Variants in AKAP7 observed in about 807,000 individuals in gnomAD.
AKAP7 encodes the protein A kinase (PRKA) anchor protein 7.
AKAP7 carries 39 observed loss-of-function variants against 39.5 expected under a neutral mutation model. That is an observed-to-expected ratio of 0.99 (90% CI 0.76 to 1.29). The LOEUF is 1.29. Among genes scored for constraint, AKAP7 ranks in the 50% most tolerant of loss-of-function variants. The pLI is 0.00. For synonymous variants in AKAP7, 140 were observed against 139.1 expected (o/e 1.01, Z -0.05); for missense variants, 414 against 407.7 (o/e 1.02, Z -0.13).
intron 5 of AKAP7, among the ~76,000 whole-genome samples, chr6:131,176,826 G>T (rs897036997): frequency 6.6e-6 from 1 of 152,110 alleles, no homozygotes; most frequent in Non-Finnish European, 1.5e-5. Context: ...CCACAGGCTG[G>T]TGGGTGTCCC....
intron 7 of AKAP7, among the ~76,000 whole-genome samples, chr6:131,259,123 T>A (rs1450428300): frequency 6.6e-6 from 1 of 152,246 alleles, no homozygotes; most frequent in Non-Finnish European, 1.5e-5. Context: ...ACATCAGGCT[T>A]CAGTTTGATG....
chr6:131,219,202 A>C (rs1213188633), intron 6 of AKAP7, among the ~76,000 whole-genome samples: 3 of 151,640 alleles, frequency 2.0e-5, no homozygotes, highest in African/African-American at 4.8e-5. Context: ...AGGGAGGAGA[A>C]TCACTTGAAC....
At chr6:131,237,499 A>G (rs1436354414) in intron 7 of AKAP7, among the ~76,000 whole-genome samples, 1 of 152,052 alleles carries the variant, frequency 6.6e-6, no homozygotes, top group Admixed American at 6.6e-5. Flanking sequence ...TCCTCCTTGT[A>G]CCTCTGGTAG....
At chr6:131,271,669 C>CA (rs1162627795) in intron 7 of AKAP7, among the ~76,000 whole-genome samples, 1 of 151,584 alleles carries the variant, frequency 6.6e-6, no homozygotes, top group Non-Finnish European at 1.5e-5. Context: ...TCATTATTTA[C>CA]AAAATACATG....
At chr6:131,186,722 G>A (rs1805897682) in intron 5 of AKAP7, among the ~76,000 whole-genome samples, 1 of 152,126 alleles carries the variant, frequency 6.6e-6, no homozygotes, top group African/African-American at 2.4e-5. Context: ...CTCACATGGT[G>A]GAGGGGCAAA....
intron 1 of AKAP7, among the ~76,000 whole-genome samples, chr6:131,142,369 C>T (rs1801117921): frequency 6.6e-6 from 1 of 152,224 alleles, no homozygotes; most frequent in Non-Finnish European, 1.5e-5. Flanking sequence ...CACTGCTCCC[C>T]ACATCTCAGT....
intron 3 of AKAP7, among the ~76,000 whole-genome samples, chr6:131,162,749 C>A (rs1044587592): frequency 6.6e-6 from 1 of 152,172 alleles, no homozygotes; most frequent in Non-Finnish European, 1.5e-5. Context: ...CTGGAGCTTT[C>A]TCTTTGCTCC....
intron 5 of AKAP7, among the ~76,000 whole-genome samples, chr6:131,187,971 T>G (rs948333102): frequency 1.3e-5 from 2 of 152,236 alleles, no homozygotes; most frequent in Non-Finnish European, 2.9e-5. Context: ...TGTTAAGTGA[T>G]GTGTCTAGGA....
intron 7 of AKAP7, among the ~76,000 whole-genome samples, chr6:131,240,677 A>G (rs1391485326): frequency 1.3e-5 from 2 of 152,172 alleles, no homozygotes; most frequent in South Asian, 4.1e-4. Flanking sequence ...GCAATGAGCA[A>G]GGCTCCATGG....
intron 6 of AKAP7, among the ~76,000 whole-genome samples, chr6:131,217,733 C>T (rs1201701269): frequency 1.3e-5 from 2 of 152,184 alleles, no homozygotes; most frequent in South Asian, 4.1e-4. Context: ...GAGTCAATCT[C>T]ATGTTTTATT....
At chr6:131,165,832 C>T (rs934693049) in intron 4 of AKAP7, among the ~76,000 whole-genome samples, 1 of 152,112 alleles carries the variant, frequency 6.6e-6, no homozygotes, top group Non-Finnish European at 1.5e-5. Context: ...TTGTTCTTCC[C>T]CCAATTTTCT....
At chr6:131,252,348 C>T (rs1237030417) in intron 7 of AKAP7, among the ~76,000 whole-genome samples, 1 of 152,164 alleles carries the variant, frequency 6.6e-6, no homozygotes, top group African/African-American at 2.4e-5. Flanking sequence ...ATTTGCACCC[C>T]TGCCCCCATT....
At chr6:131,135,369 C>T (rs971271781), upstream of AKAP7, among the ~76,000 whole-genome samples, 8 of 152,340 alleles carry the variant, frequency 5.3e-5, no homozygotes, top group Admixed American at 5.2e-4. Context: ...GCTGCCGTGA[C>T]GCCGCAGTCG....
chr6:131,220,465 T>A (rs1809601546), intron 7 of AKAP7, among the ~76,000 whole-genome samples: 1 of 152,206 alleles, frequency 6.6e-6, no homozygotes, highest in Non-Finnish European at 1.5e-5. Context: ...AGCTCTGTTG[T>A]GATTCAGATT....
chr6:131,239,098 G>A (rs551850718), intron 7 of AKAP7, among the ~76,000 whole-genome samples: 38 of 152,238 alleles, frequency 2.5e-4, no homozygotes, highest in Middle Eastern at 3.4e-3. Flanking sequence ...TTTAGGGCAG[G>A]CCTGGTGGTG....
intron 7 of AKAP7, among the ~76,000 whole-genome samples, chr6:131,258,885 GAAAGTGATATAC>G (rs1304262274): frequency 2.0e-5 from 3 of 152,194 alleles, no homozygotes; most frequent in Admixed American, 6.5e-5. Context: ...GTGCCAGGGA[GAAAGTGATATAC>G]AAACAAGATG....
chr6:131,209,515 G>A lies in AKAP7; in HGVS notation c.702+9942G>A, dbSNP rs542209418. Among the ~76,000 whole-genome samples the A allele has an allele frequency of 1.3e-4, 20 of 152,242 alleles. No homozygotes were observed. The South Asian group carries it at 4.1e-3, about 32-fold the overall frequency. ...TCCACCCGCCTCGGCCTCCCAAAGT[G>A]CTGGGATTACAAGCGTGAGCCACCA... On this transcript the variant is annotated intron_variant, in intron 6 of 7. Coordinates refer to ENST00000431975, the MANE Select transcript of AKAP7 (RefSeq NM_016377.4).
intron 7 of AKAP7, among the ~76,000 whole-genome samples, chr6:131,245,412 GT>G (rs71802064): frequency 0.32 from 44,517 of 139,664 alleles, 7,005 homozygotes; most frequent in Middle Eastern, 0.42. Context: ...GCCCAGCTAC[GT>G]TTTTTTTTTT....
At chr6:131,145,570 A>T (rs1460840068) in intron 2 of AKAP7, among the ~76,000 whole-genome samples, 154 bp downstream of exon 2, 2 of 152,028 alleles carry the variant, frequency 1.3e-5, no homozygotes, top group East Asian at 3.8e-4. Context: ...GTTTTTTGAG[A>T]CACAGTCTTG....
Sources: allele counts gnomAD v4.1 joint callset (sites outside exome capture counted in the v4.1 genomes callset), GRCh38; gene constraint gnomAD v4.1.1; transcripts MANE v1.5; gene names NCBI Gene and HGNC (gene_info 2026-07-23, HGNC 2026-07-21).